MAP2: variants seen among roughly 807,000 people sequenced by gnomAD.
MAP2 encodes the protein microtubule-associated protein 2.
In MAP2, 14 loss-of-function variants were observed where a neutral mutation model predicts 137.6. The observed-to-expected ratio is 0.10, with a 90% CI of 0.07 to 0.16. MAP2 has a LOEUF of 0.16. Ranked by LOEUF, MAP2 falls within the 10% of genes least tolerant of loss-of-function variation. MAP2 has a pLI of 1.00. For missense variants in MAP2, 2,088 were observed against 2,191.5 expected, an observed-to-expected ratio of 0.95 and a Z score of 0.94; for synonymous variants, 786 against 782.3, an observed-to-expected ratio of 1.00 and a Z score of -0.08.
intron 1 of MAP2, among the ~76,000 whole-genome samples, chr2:209,425,520 G>A (rs1335851938): frequency 6.6e-6 from 1 of 152,220 alleles, no homozygotes; most frequent in Non-Finnish European, 1.5e-5. Flanking sequence ...AATTTTGGGT[G>A]TGAGGCAAAG....
chr2:209,438,111 T>C (rs1696812205), intron 1 of MAP2, among the ~76,000 whole-genome samples: 1 of 151,606 alleles, frequency 6.6e-6, no homozygotes, highest in Admixed American at 6.6e-5. Context: ...TAGCAAGAGG[T>C]TACATTAAGC....
At chr2:209,431,338 G>T (rs1218982360) in intron 1 of MAP2, among the ~76,000 whole-genome samples, 2 of 152,118 alleles carry the variant, frequency 1.3e-5, no homozygotes, top group African/African-American at 4.8e-5. Context: ...GGATTAGAAG[G>T]ACTGTGTGTT....
chr2:209,613,163 A>G (rs536563078), intron 3 of MAP2, among the ~76,000 whole-genome samples: 58 of 152,310 alleles, frequency 3.8e-4, no homozygotes, highest in African/African-American at 1.3e-3. Flanking sequence ...TATTCTGTTT[A>G]TGCTAACTAG....
intron 14 of MAP2, 56 bp downstream of exon 14, chr2:209,725,846 A>G (rs1021522191): frequency 1.4e-5 from 17 of 1,240,584 alleles, no homozygotes; most frequent in Admixed American, 2.8e-5. Context: ...CAAGAAAGGG[A>G]TGAGAAAATT....
intron 3 of MAP2, among the ~76,000 whole-genome samples, chr2:209,593,632 AAAATAT>A (rs1436045556): frequency 1.1e-4 from 7 of 61,116 alleles, no homozygotes; most frequent in African/African-American, 5.0e-4. Context: ...AAAAAAAAAA[AAAATAT>A]ATATATATAT....
chr2:209,479,943 G>C (rs186313128), intron 1 of MAP2, among the ~76,000 whole-genome samples: 30 of 152,224 alleles, frequency 2.0e-4, no homozygotes, highest in African/African-American at 7.2e-4. Context: ...GCCTATAAAT[G>C]TGTTTTATTG....
chr2:209,498,824 G>A (rs2060052801), intron 1 of MAP2, among the ~76,000 whole-genome samples: 1 of 152,124 alleles, frequency 6.6e-6, no homozygotes, highest in African/African-American at 2.4e-5. Flanking sequence ...CCTGGACCTG[G>A]CCCACAAAAA....
intron 3 of MAP2, 71 bp from the exon 4 acceptor site, chr2:209,624,982 G>C (rs1290703075): frequency 6.6e-6 from 1 of 152,118 alleles, no homozygotes; most frequent in Admixed American, 6.6e-5. Flanking sequence ...GAATTCTGTT[G>C]TTGAGCTACT....
At chr2:209,631,778 A>G (rs1292600861) in intron 4 of MAP2, among the ~76,000 whole-genome samples, 1 of 152,152 alleles carries the variant, frequency 6.6e-6, no homozygotes, top group South Asian at 2.1e-4. Context: ...TTTTAATCCT[A>G]CCTTGTTCAA....
At chr2:209,565,063 G>A (rs1480308000) in intron 2 of MAP2, among the ~76,000 whole-genome samples, 4 of 152,160 alleles carry the variant, frequency 2.6e-5, no homozygotes, top group African/African-American at 9.6e-5. Flanking sequence ...CAGATTCACC[G>A]CTTGGCTGCT....
At chr2:209,609,437 T>A (rs1172388910) in intron 3 of MAP2, among the ~76,000 whole-genome samples, 1 of 152,134 alleles carries the variant, frequency 6.6e-6, no homozygotes, top group African/African-American at 2.4e-5. Flanking sequence ...AGCATATCCA[T>A]TATCTAATTT....
intron 2 of MAP2, among the ~76,000 whole-genome samples, chr2:209,511,284 A>G (rs1317428921): frequency 6.6e-6 from 1 of 152,102 alleles, no homozygotes; most frequent in Non-Finnish European, 1.5e-5. Flanking sequence ...CTAACCTTTT[A>G]TCCTTCCTCT....
intron 7 of MAP2, 40 bp from the exon 8 acceptor site, chr2:209,692,585 T>C (rs199526168): frequency 6.6e-7 from 1 of 1,521,808 alleles, no homozygotes; most frequent in Non-Finnish European, 8.8e-7. Flanking sequence ...CTGAACGCAC[T>C]TGCCTATTAT....
At chr2:209,670,878 A>G (rs2048533417) in intron 5 of MAP2, among the ~76,000 whole-genome samples, 1 of 151,880 alleles carries the variant, frequency 6.6e-6, no homozygotes, top group Non-Finnish European at 1.5e-5. Flanking sequence ...TTTAAACACA[A>G]CTTAAATGTA....
chr2:209,629,680 C>T (rs1413969705), intron 4 of MAP2, among the ~76,000 whole-genome samples: 1 of 152,142 alleles, frequency 6.6e-6, no homozygotes, highest in African/African-American at 2.4e-5. Context: ...TCTGTACTCT[C>T]AGCTGGCAGT....
At chr2:209,532,726 C>T (rs1329064289) in intron 2 of MAP2, among the ~76,000 whole-genome samples, 1 of 152,222 alleles carries the variant, frequency 6.6e-6, no homozygotes, top group Non-Finnish European at 1.5e-5. Flanking sequence ...CTCAAGACCA[C>T]AAAATAACCT....
intron 2 of MAP2, among the ~76,000 whole-genome samples, chr2:209,560,112 C>T (rs1348143560): frequency 6.6e-6 from 1 of 152,122 alleles, no homozygotes; most frequent in Non-Finnish European, 1.5e-5. Flanking sequence ...TGGTTAGATA[C>T]AACATGAGTC....
At chr2:209,690,906 A>G (rs1308633543) in intron 7 of MAP2, 1 of 1,209,292 alleles carries the variant, frequency 8.3e-7, no homozygotes, top group Non-Finnish European at 1.0e-6. Context: ...CCAGTGGCTT[A>G]CCAACCTGAT....
chr2:209,723,632 T>C (rs1252770640), intron 13 of MAP2: 1 of 1,613,992 alleles, frequency 6.2e-7, no homozygotes, highest in South Asian at 1.1e-5. Context: ...TTTAGCAAAG[T>C]TCAGTCCAGA....
Sources: gnomAD v4.1 joint callset for allele counts (sites outside exome capture counted in the v4.1 genomes callset) on GRCh38, gnomAD v4.1.1 for gene constraint, MANE v1.5 for transcripts, NCBI Gene and HGNC (gene_info 2026-07-23, HGNC 2026-07-21) for gene names.